SGIP1: variants seen among roughly 807,000 people sequenced by gnomAD.
SGIP1 encodes the protein SH3GL interacting endocytic adaptor 1, also known as SH3-containing GRB2-like protein 3-interacting protein 1.
SGIP1 carries 38 observed loss-of-function variants against 107.5 expected under a neutral mutation model. The observed-to-expected ratio is 0.35, with a 90% CI of 0.27 to 0.46. The LOEUF (loss-of-function observed/expected upper bound fraction) is 0.46. SGIP1 is among the 20% of genes least tolerant of loss of function. The pLI is 1.00. For synonymous variants in SGIP1, 365 were observed against 366.1 expected, an observed-to-expected ratio of 1.00 and a Z score of 0.03; for missense variants, 929 against 1,019.5, an observed-to-expected ratio of 0.91 and a Z score of 1.21.
At position 66,745,626 on chromosome 1, in the gene SGIP1, C is replaced by T. The variant is rs2094541997; in HGVS notation, c.*2531C>T. On this transcript the variant is annotated 3_prime_UTR_variant, in exon 25 of 25. Coordinates refer to ENST00000371037, the MANE Select transcript of SGIP1 (RefSeq NM_032291.4). Reference sequence around the variant, plus strand: ...TATTCATTTTATTCCCAAGTCAGAACAAAATGAACTAGTAGGTAATAAAAC... The same window carrying T: ...TATTCATTTTATTCCCAAGTCAGAATAAAATGAACTAGTAGGTAATAAAAC... 1 of 151,920 alleles carries T rather than the reference C, an allele frequency of 6.6e-6. No individual in the cohort carries two copies. Among genetic ancestry groups the T allele is most frequent in the African/African-American group, 2.4e-5 (1 of 41,410 alleles). 9.4% of individuals were successfully genotyped at this position (151,920 alleles called of 1,614,324 possible).
intron 24 of SGIP1, among the ~76,000 whole-genome samples, chr1:66,742,337 C>T (rs2094472193): frequency 1.3e-5 from 2 of 151,604 alleles, no homozygotes; most frequent in African/African-American, 4.9e-5. Flanking sequence ...TTATACTTTT[C>T]AGTGATTTGC....
intron 18 of SGIP1, among the ~76,000 whole-genome samples, chr1:66,707,246 A>G (rs1572079350): frequency 6.6e-6 from 1 of 152,206 alleles, no homozygotes; most frequent in East Asian, 1.9e-4. Context: ...CTAACCAATA[A>G]TAATAGACAA....
chr1:66,740,732 T>A lies in SGIP1; in HGVS notation c.2299+10T>A. ...AAGTCAGAAAATGGAGGTAATGGAA[T>A]CACAAGTTTATTTTATTTAACATGT... On this transcript the variant is annotated intron_variant, in intron 23 of 24. Transcript: ENST00000371037. The A allele has an allele frequency of 6.3e-7, 1 of 1,583,846 alleles. No individual in the cohort carries two copies. The highest frequency in any genetic ancestry group is 8.7e-7 in the Non-Finnish European group (1 of 1,155,828).
intron 1 of SGIP1, among the ~76,000 whole-genome samples, chr1:66,561,867 T>C (rs2058998547): frequency 6.6e-6 from 1 of 152,100 alleles, no homozygotes; most frequent in Non-Finnish European, 1.5e-5. Context: ...TACTCATTTC[T>C]ACATTCAGCG....
intron 7 of SGIP1, among the ~76,000 whole-genome samples, chr1:66,648,346 A>G (rs1046462454): frequency 1.3e-5 from 2 of 152,028 alleles, no homozygotes; most frequent in Non-Finnish European, 2.9e-5. Context: ...TGTTCTTGAC[A>G]TAAGGCCTAG....
At chr1:66,571,786 A>G (rs183956159) in intron 1 of SGIP1, among the ~76,000 whole-genome samples, 131 of 152,086 alleles carry the variant, frequency 8.6e-4, no homozygotes, top group African/African-American at 2.5e-3. Context: ...TCCTTGCTTA[A>G]CATTCCTTTT....
rs142780391 is a variant in SGIP1 at position 66,598,343 on chromosome 1, T to C, written c.11-27504T>C. Among the ~76,000 whole-genome samples, 879 of 152,322 alleles carry C rather than the reference T, an allele frequency of 5.8e-3. 11 individuals carry two copies. Among genetic ancestry groups the C allele is most frequent in the African/African-American group, 0.02 (824 of 41,572 alleles). ...GTACCTACTGTGTTAGAGCCACAGT[T>C]TCCCAACTGTGTGCCTAATTTAAAT... On this transcript the variant is annotated intron_variant, in intron 1 of 24. Coordinates refer to ENST00000371037, the MANE Select transcript of SGIP1 (RefSeq NM_032291.4).
At chr1:66,677,682 G>A in intron 13 of SGIP1, among the ~76,000 whole-genome samples, 1 of 152,210 alleles carries the variant, frequency 6.6e-6, no homozygotes, top group East Asian at 1.9e-4. Context: ...GATCCAGATA[G>A]CCGTTCACCG....
intron 15 of SGIP1, 82 bp from the exon 16 acceptor site, chr1:66,689,066 G>A (rs2089220453): frequency 5.3e-6 from 6 of 1,136,212 alleles, no homozygotes; most frequent in South Asian, 3.5e-5. Context: ...AAAAAAAAAT[G>A]TCCGGGACTG....
rs576377186 is a variant in SGIP1, at chr1:66,550,033, A to C, written c.10+15665A>C. Among the ~76,000 whole-genome samples, 13 of 152,272 alleles carry C rather than the reference A, an allele frequency of 8.5e-5. No homozygotes were observed. In the South Asian group the frequency reaches 2.3e-3, roughly 27 times the overall value. ...TCCCAGTATCTTTGAGTTCTTTTGA[A>C]GAGCTCATTGCTATACCCACTCTGC... On this transcript the variant is annotated intron_variant, in intron 1 of 24. Coordinates refer to ENST00000371037, the MANE Select transcript of SGIP1 (RefSeq NM_032291.4).
intron 1 of SGIP1, among the ~76,000 whole-genome samples, chr1:66,601,047 G>A (rs2065697897): frequency 6.6e-6 from 1 of 152,144 alleles, no homozygotes; most frequent in South Asian, 2.1e-4. Context: ...TCGCTTTCCA[G>A]TACACACATG....
Position 66,713,010 on chromosome 1 carries a change from C to T in SGIP1, c.1631-6284C>T, listed in dbSNP as rs2093016099. Among the ~76,000 whole-genome samples the T allele has an allele frequency of 2.6e-5, 4 of 152,214 alleles. No homozygotes were observed. In the South Asian group the frequency reaches 6.2e-4, roughly 24 times the overall value. ...ATCCTTCTAGGGGGTATCACAAACA[C>T]GTTATCAGGTTCCTAAGATAACTCT... On this transcript the variant is annotated intron_variant, in intron 18 of 24. Transcript: ENST00000371037.
chr1:66,717,986 GTAGATAT>G (rs2093339820), intron 18 of SGIP1, among the ~76,000 whole-genome samples: 1 of 152,090 alleles, frequency 6.6e-6, no homozygotes, highest in Non-Finnish European at 1.5e-5. Context: ...CTGATACATA[GTAGATAT>G]TAGATATTAG....
At chr1:66,568,259 T>G (rs2059922698) in intron 1 of SGIP1, among the ~76,000 whole-genome samples, 1 of 152,010 alleles carries the variant, frequency 6.6e-6, no homozygotes, top group South Asian at 2.1e-4. Context: ...TATTCTCTTT[T>G]TGCCCATTGT....
intron 19 of SGIP1, among the ~76,000 whole-genome samples, chr1:66,724,086 TAGGGGTTTTGTTAGC>T (rs1263372986): frequency 6.6e-6 from 1 of 152,168 alleles, no homozygotes; most frequent in East Asian, 1.9e-4. Context: ...GAAACAGACC[TAGGGGTTTTGTTAGC>T]AGTACATATA....
Position 66,748,533 on chromosome 1 carries a change from T to C in SGIP1, c.*5438T>C, listed in dbSNP as rs2094583709. 6.6e-6 allele frequency among the ~76,000 whole-genome samples: 1 copy of C among 152,032 alleles called. No homozygotes were observed. The highest frequency in any genetic ancestry group is 6.6e-5 in the Admixed American group (1 of 15,266). On this transcript the variant is annotated 3_prime_UTR_variant, in exon 25 of 25. Coordinates refer to ENST00000371037, the MANE Select transcript of SGIP1 (RefSeq NM_032291.4). ...GACACCTATTTGTTGGCATTGACCA[T>C]GGGTATAATAATTTATTCTCTAGGT...
chr1:66,697,499 T>C (rs1177089721), intron 18 of SGIP1, among the ~76,000 whole-genome samples: 2 of 152,204 alleles, frequency 1.3e-5, no homozygotes, highest in African/African-American at 2.4e-5. Flanking sequence ...AGAAGGCTTC[T>C]TGAAAGGATG....
intron 1 of SGIP1, among the ~76,000 whole-genome samples, chr1:66,592,854 CCTTTCCTTCCTTCCTTT>C (rs2063868624): frequency 6.9e-6 from 1 of 144,940 alleles, no homozygotes; most frequent in South Asian, 2.2e-4. Flanking sequence ...TGTAGCCTTG[CCTTTCCTTCCTTCCTTT>C]CTTTCCTTCT....
chr1:66,568,903 G>A (rs1017787547), intron 1 of SGIP1, among the ~76,000 whole-genome samples: 48 of 151,776 alleles, frequency 3.2e-4, no homozygotes, highest in African/African-American at 1.0e-3. Context: ...TTTCTCTTGG[G>A]AACTAGCTGC....
Sources: allele counts gnomAD v4.1 joint callset (sites outside exome capture counted in the v4.1 genomes callset), GRCh38; gene constraint gnomAD v4.1.1; transcripts MANE v1.5; gene names NCBI Gene and HGNC (gene_info 2026-07-23, HGNC 2026-07-21).